Variants in GRIN2A observed in about 807,000 individuals in gnomAD.
GRIN2A encodes the protein glutamate ionotropic receptor NMDA type subunit 2A, also known as glutamate receptor ionotropic, NMDA 2A.
GRIN2A carries 22 observed loss-of-function variants against 113.4 expected under a neutral mutation model. The observed-to-expected ratio is 0.19, with a 90% confidence interval of 0.14 to 0.28. GRIN2A has a LOEUF of 0.28. GRIN2A is among the 10% of genes least tolerant of loss of function. The pLI, the probability that GRIN2A is intolerant of heterozygous loss-of-function variation, is 1.00. For synonymous variants in GRIN2A, 827 were observed against 738.4 expected (o/e 1.12, Z -1.94); for missense variants, 1,502 against 1,887.0 (o/e 0.80, Z 3.78).
intron 2 of GRIN2A, among the ~76,000 whole-genome samples, chr16:10,083,319 G>A (rs760892075): frequency 1.3e-5 from 2 of 152,212 alleles, no homozygotes; most frequent in Non-Finnish European, 2.9e-5. Flanking sequence ...ATGAGAAGAC[G>A]TGTGTGGCCC....
intron 2 of GRIN2A, among the ~76,000 whole-genome samples, chr16:9,997,983 A>G (rs961946046): frequency 1.3e-5 from 2 of 152,220 alleles, no homozygotes; most frequent in Non-Finnish European, 2.9e-5. Flanking sequence ...TCTTCATAGC[A>G]GTATGAAAAT....
chr16:10,110,389 A>G (rs1430821734), intron 2 of GRIN2A, among the ~76,000 whole-genome samples: 1 of 152,194 alleles, frequency 6.6e-6, no homozygotes, highest in Non-Finnish European at 1.5e-5. Flanking sequence ...ATTCTAATGG[A>G]CGCTATTACA....
At chr16:9,813,172 A>C (rs528407927) in intron 10 of GRIN2A, among the ~76,000 whole-genome samples, 6 of 152,250 alleles carry the variant, frequency 3.9e-5, no homozygotes, top group African/African-American at 1.4e-4. Context: ...CAAAGCAGTA[A>C]AAGCTAAATT....
At chr16:10,130,198 G>A (rs553520303) in intron 2 of GRIN2A, among the ~76,000 whole-genome samples, 7 of 152,290 alleles carry the variant, frequency 4.6e-5, no homozygotes, top group East Asian at 3.9e-4. Flanking sequence ...GACTTGGAAC[G>A]CTGGTCCCTG....
rs375291296 is a variant in GRIN2A at position 9,841,053 on chromosome 16, G to A, written c.1380C>T (p.Cys460=). The stretch of plus-strand genomic sequence containing the variant: ...TGGAAAGCTTCTTCAGAATATCAAT[G>A]CAGAACCCCTTGCAGCATTTCTTCA... ...MNVKKCCKGF[C]IDILKKLSRT... is the part of the protein sequence containing the mutation. Residue 460 remains cysteine (C), a synonymous_variant, in exon 6 of 13, where the codon TGC becomes TGT. Transcript: ENST00000330684. The A allele has an allele frequency of 4.5e-5, 72 of 1,613,458 alleles. No individual in the cohort carries two copies. The highest frequency in any genetic ancestry group is 5.8e-5 in the Non-Finnish European group (69 of 1,179,592).
At chr16:9,993,408 T>C (rs1276364800) in intron 2 of GRIN2A, among the ~76,000 whole-genome samples, 2 of 151,302 alleles carry the variant, frequency 1.3e-5, no homozygotes, top group East Asian at 1.9e-4. Flanking sequence ...TAAAAAGAAA[T>C]AGCAGAGTAT....
At chr16:10,036,602 G>A (rs1377933388) in intron 2 of GRIN2A, among the ~76,000 whole-genome samples, 10 of 150,888 alleles carry the variant, frequency 6.6e-5, no homozygotes, top group South Asian at 2.1e-4. Flanking sequence ...CACAACGCCC[G>A]GCTAATTTTT....
intron 2 of GRIN2A, among the ~76,000 whole-genome samples, chr16:10,123,150 T>A (rs1388808833): frequency 6.6e-6 from 1 of 152,184 alleles, no homozygotes; most frequent in Admixed American, 6.5e-5. Flanking sequence ...GTCCTTTTTG[T>A]CCTCTCACAT....
At chr16:10,165,693 AGGGGAGAAAGGAGGGG>A (rs1413591595) in intron 2 of GRIN2A, among the ~76,000 whole-genome samples, 2 of 8,264 alleles carry the variant, frequency 2.4e-4, no homozygotes, top group East Asian at 0.012. Context: ...AGGGGAGGGG[AGGGGAGAAAGGAGGGG>A]AGGGGAGAAA....
chr16:10,112,403 C>A, intron 2 of GRIN2A: 2 of 709,174 alleles, frequency 2.8e-6, no homozygotes, highest in Non-Finnish European at 5.2e-6. Context: ...GCGGTCAGCC[C>A]CAGGGCACTG....
chr16:9,837,549 C>G (rs566563514), intron 7 of GRIN2A, among the ~76,000 whole-genome samples: 2 of 152,084 alleles, frequency 1.3e-5, no homozygotes, highest in African/African-American at 2.4e-5. Flanking sequence ...TAAAGAGATA[C>G]AAGACTTTTT....
At position 9,938,159 on chromosome 16, in the gene GRIN2A, T is replaced by G. The variant is rs772052450; in HGVS notation, c.807A>C (p.Pro269=). ...SLVSGNTELI[P]KEFPSGLISV... is the part of the protein sequence containing the mutation. The stretch of plus-strand genomic sequence containing the variant: ...AAATGAGTCCCGATGGAAACTCTTT[T>G]GGGATGAGCTCCGTGTTCCCAGAGA... Residue 269 remains proline (P), a synonymous_variant, in exon 3 of 13, where the codon CCA becomes CCC. Transcript: ENST00000330684. 1 of 1,614,056 alleles carries G rather than the reference T, an allele frequency of 6.2e-7. No individual in the cohort carries two copies. Among genetic ancestry groups the G allele is most frequent in the Non-Finnish European group, 8.5e-7 (1 of 1,179,978 alleles).
rs1252450286 is a variant in GRIN2A, at chr16:10,163,276, C to T, written c.414+16722G>A. 1.3e-5 allele frequency among the ~76,000 whole-genome samples: 2 copies of T among 152,132 alleles called. 1 individual carries two copies. The highest frequency in any genetic ancestry group is 4.2e-4 in the South Asian group (2 of 4,818). ...AGCTAGAAAATTAACCCACAAGAGA[C>T]AAGCCAAAGCACCAGGCTCAGAAGG... is the stretch of plus-strand genomic sequence containing the variant. On this transcript the variant is annotated intron_variant, in intron 2 of 12. Transcript: ENST00000330684.
rs2046910901 is a variant in GRIN2A at position 10,030,637 on chromosome 16, T to C, written c.415-92086A>G. 3.3e-5 allele frequency among the ~76,000 whole-genome samples: 5 copies of C among 152,230 alleles called. No individual in the cohort carries two copies. In the South Asian group the frequency reaches 1.0e-3, roughly 32 times the overall value. On this transcript the variant is annotated intron_variant, in intron 2 of 12. Transcript: ENST00000330684. ...ATTCTCTCTTAAGCTCAAGACTTTT[T>C]ATTTTGTGTTTTTTACATTGATGAG...
intron 2 of GRIN2A, among the ~76,000 whole-genome samples, chr16:10,092,856 A>T (rs2048206597): frequency 9.5e-6 from 1 of 105,534 alleles, no homozygotes; most frequent in African/African-American, 3.1e-5. Context: ...CAGCATGAAA[A>T]GTTGCTTTTT....
intron 2 of GRIN2A, among the ~76,000 whole-genome samples, chr16:10,144,668 T>C (rs1379873767): frequency 6.6e-6 from 1 of 152,174 alleles, no homozygotes; most frequent in Non-Finnish European, 1.5e-5. Context: ...CATTGCAGCA[T>C]TATTCAGAAC....
chr16:10,118,815 C>T (rs1036016994), intron 2 of GRIN2A, among the ~76,000 whole-genome samples: 2 of 152,142 alleles, frequency 1.3e-5, no homozygotes, highest in African/African-American at 4.8e-5. Flanking sequence ...CCAAGATGAG[C>T]CATTCAATAT....
intron 4 of GRIN2A, among the ~76,000 whole-genome samples, chr16:9,878,559 A>G (rs1401934508): frequency 6.6e-6 from 1 of 152,200 alleles, no homozygotes; most frequent in East Asian, 1.9e-4. Flanking sequence ...TGGGAACTCA[A>G]CTAATGGTAG....
chr16:10,092,600 A>G (rs530048422), intron 2 of GRIN2A, among the ~76,000 whole-genome samples: 2 of 152,372 alleles, frequency 1.3e-5, no homozygotes, highest in African/African-American at 2.4e-5. Context: ...TGTTTCAAAC[A>G]TATAAAATAT....
Sources: allele counts gnomAD v4.1 joint callset (sites outside exome capture counted in the v4.1 genomes callset), GRCh38; gene constraint gnomAD v4.1.1; transcripts MANE v1.5; gene names NCBI Gene and HGNC (gene_info 2026-07-23, HGNC 2026-07-21).